ZNF518A: variants seen among roughly 807,000 people sequenced by gnomAD.
The protein encoded by ZNF518A is zinc finger protein 518.
Under a neutral mutation model 102.7 loss-of-function variants are expected in ZNF518A, and 47 were observed. The observed-to-expected ratio is 0.46, with a 90% CI of 0.36 to 0.58. ZNF518A has a LOEUF of 0.58. Among genes scored for constraint, ZNF518A ranks in the 20% least tolerant of loss-of-function variants. The pLI is 0.00. For synonymous variants in ZNF518A, 652 were observed against 594.6 expected (o/e 1.10, Z -1.40); for missense variants, 1,793 against 1,699.8 (o/e 1.05, Z -0.96).
At chr10:96,143,555 C>T (rs1261778092) in intron 3 of ZNF518A, among the ~76,000 whole-genome samples, 5 of 152,178 alleles carry the variant, frequency 3.3e-5, no homozygotes, top group African/African-American at 4.8e-5. Context: ...ACACAGTCAT[C>T]GTTGATTTGT....
At chr10:96,190,574 G>A (rs1481895821) in intron 1 of ZNF518A, among the ~76,000 whole-genome samples, 1 of 152,138 alleles carries the variant, frequency 6.6e-6, no homozygotes, top group African/African-American at 2.4e-5. Context: ...GAAAGTTTAT[G>A]ACATTTAAAT....
At chr10:96,192,169 C>A in intron 1 of ZNF518A, 1 of 1,580,306 alleles carries the variant, frequency 6.3e-7, no homozygotes, top group Non-Finnish European at 8.7e-7. Flanking sequence ...CATCTTCTCT[C>A]ATTCTCAAGT....
Position 96,157,602 on chromosome 10 carries a change from T to C in ZNF518A, c.1280T>C (p.Val427Ala). Reference sequence around the variant, plus strand: ...GTACTAGGACCTACACTGAAAAATGTAATGATGAAAAATAATAAACTAGCA... The same window carrying C: ...GTACTAGGACCTACACTGAAAAATGCAATGATGAAAAATAATAAACTAGCA... ...TAVLGPTLKNVMMKNNKLAVS... is the reference protein window; with the variant it reads ...TAVLGPTLKNAMMKNNKLAVS... Residue 427 changes from valine (V) to alanine (A), a missense_variant, in exon 6 of 6, where the codon GTA becomes GCA. By Grantham distance (64) the Val-to-Ala change is moderately conservative. Coordinates refer to ENST00000316045, the MANE Select transcript of ZNF518A (RefSeq NM_001330736.2). 1.2e-6 allele frequency: 2 copies of C among 1,613,856 alleles called. No homozygotes were observed. The highest frequency in any genetic ancestry group is 1.7e-6 in the Non-Finnish European group (2 of 1,179,790).
chr10:96,178,383 A>G (rs1397717472), intron 1 of ZNF518A, among the ~76,000 whole-genome samples: 1 of 152,088 alleles, frequency 6.6e-6, no homozygotes, highest in Admixed American at 6.5e-5. Context: ...TCACAGGGGA[A>G]ATTTAGAAAT....
chr10:96,153,974 G>A (rs1365098890), intron 3 of ZNF518A, among the ~76,000 whole-genome samples: 1 of 152,116 alleles, frequency 6.6e-6, no homozygotes, highest in Non-Finnish European at 1.5e-5. Flanking sequence ...TGACTCCTGA[G>A]TCACATATTA....
At chr10:96,132,483 T>G (rs1405125260) in intron 1 of ZNF518A, 103 bp from the exon 2 acceptor site, 1 of 151,458 alleles carries the variant, frequency 6.6e-6, no homozygotes, top group African/African-American at 2.4e-5. Flanking sequence ...TCTTAGTTTT[T>G]TTTTTTTTTT....
chr10:96,176,638 C>A (rs1054749919), intron 1 of ZNF518A, among the ~76,000 whole-genome samples: 2 of 152,220 alleles, frequency 1.3e-5, no homozygotes, highest in African/African-American at 2.4e-5. Context: ...TGGCTCATGC[C>A]TGTAATCCCA....
rs1318798248 is a variant in ZNF518A at position 96,162,907 on chromosome 10, C to T, written c.*2133C>T. Reference sequence around the variant, plus strand: ...ATGATATATTGTTTAAGAAAGGTAACATATACCATAATTTTACTATGGTTA... The same window carrying T: ...ATGATATATTGTTTAAGAAAGGTAATATATACCATAATTTTACTATGGTTA... On this transcript the variant is annotated 3_prime_UTR_variant, in exon 6 of 6. Coordinates refer to ENST00000316045, the MANE Select transcript of ZNF518A (RefSeq NM_001330736.2). The T allele has an allele frequency of 6.0e-6, 1 of 166,790 alleles. No individual in the cohort carries two copies. The highest frequency in any genetic ancestry group is 1.5e-5 in the Non-Finnish European group (1 of 68,010). The allele number at this position is 166,790 out of a possible 1,614,324, so 10.3% of individuals were successfully genotyped here. A position where few individuals can be genotyped will look rare whatever the true frequency, so the allele number is the denominator to read the frequency against.
Position 96,157,130 on chromosome 10 carries a change from G to A in ZNF518A, c.808G>A (p.Gly270Ser). 6.2e-7 allele frequency: 1 copy of A among 1,613,710 alleles called. No homozygotes were observed. The highest frequency in any genetic ancestry group is 8.5e-7 in the Non-Finnish European group (1 of 1,179,760). Residue 270 changes from glycine to serine, a missense_variant, in exon 6 of 6, where the codon GGT (glycine) becomes AGT (serine). Gly to Ser is a moderately conservative substitution (Grantham distance 56, BLOSUM62 0). Coordinates refer to ENST00000316045, the MANE Select transcript of ZNF518A (RefSeq NM_001330736.2). ...FPFTCQYCSYGATRREHLVRH... is the reference protein window; with the variant it reads ...FPFTCQYCSYSATRREHLVRH... ...CTTCACTTGTCAATATTGTAGCTAT[G>A]GTGCCACCAGGAGAGAACACCTTGT...
downstream of ZNF518A, among the ~76,000 whole-genome samples, chr10:96,165,507 C>A (rs1554890159): frequency 6.7e-6 from 1 of 150,304 alleles, no homozygotes; most frequent in African/African-American, 2.4e-5. Context: ...CAAACCAAAC[C>A]TGTAAGATAT....
At chr10:96,155,092 A>T (rs2082635205) in intron 3 of ZNF518A, among the ~76,000 whole-genome samples, 1 of 152,142 alleles carries the variant, frequency 6.6e-6, no homozygotes, top group South Asian at 2.1e-4. Flanking sequence ...AAAAACATGT[A>T]ATTTTTCTAA....
At chr10:96,190,428 C>A (rs1441418884) in intron 1 of ZNF518A, among the ~76,000 whole-genome samples, 4 of 152,334 alleles carry the variant, frequency 2.6e-5, no homozygotes, top group African/African-American at 9.6e-5. Flanking sequence ...CTGACCTCAT[C>A]TTACCTTGAC....
intron 1 of ZNF518A, among the ~76,000 whole-genome samples, chr10:96,180,453 G>A (rs1238094440): frequency 2.6e-5 from 4 of 151,730 alleles, no homozygotes; most frequent in East Asian, 1.9e-4. Context: ...CCATTAACTC[G>A]TAATTTACAT....
rs927049473 is a variant in ZNF518A at position 96,150,062 on chromosome 10, C to T, written c.-301-5264C>T. On this transcript the variant is annotated intron_variant, in intron 3 of 5. Coordinates refer to ENST00000316045, the MANE Select transcript of ZNF518A (RefSeq NM_001330736.2). The stretch of plus-strand genomic sequence containing the variant: ...TGTCTGGGCCGGGCGTGGTGGCTCA[C>T]GGCTGTAATCTGAGCACTTTGGGAG... 3.8e-4 allele frequency among the ~76,000 whole-genome samples: 57 copies of T among 151,538 alleles called. 1 individual carries two copies. The highest frequency in any genetic ancestry group is 1.3e-3 in the African/African-American group (53 of 41,262).
At chr10:96,145,766 C>A (rs1000653444) in intron 3 of ZNF518A, among the ~76,000 whole-genome samples, 2 of 152,132 alleles carry the variant, frequency 1.3e-5, no homozygotes, top group Non-Finnish European at 2.9e-5. Context: ...GTTGGTTTAC[C>A]ACAGAAATCA....
intron 1 of ZNF518A, among the ~76,000 whole-genome samples, chr10:96,183,292 T>G (rs2083251052): frequency 6.6e-6 from 1 of 152,150 alleles, no homozygotes; most frequent in Non-Finnish European, 1.5e-5. Context: ...TCTTTGAAGG[T>G]TTTTTTGTGT....
chr10:96,180,238 T>G (rs2083231912), intron 1 of ZNF518A, among the ~76,000 whole-genome samples: 1 of 144,898 alleles, frequency 6.9e-6, no homozygotes, highest in Non-Finnish European at 1.5e-5. Context: ...TTGCTAAGCC[T>G]GGTCTCAAAT....
chr10:96,165,463 CAA>C (rs1554890034), downstream of ZNF518A, among the ~76,000 whole-genome samples: 45 of 41,856 alleles, frequency 1.1e-3, no homozygotes, highest in Admixed American at 3.5e-3. Context: ...CAAAAAACAA[CAA>C]CAACCAAAAA....
intron 1 of ZNF518A, chr10:96,201,142 T>C (rs1354649682): frequency 8.0e-7 from 1 of 1,246,292 alleles, no homozygotes; most frequent in Non-Finnish European, 1.2e-6. Flanking sequence ...CTGTACTAGG[T>C]GCTGCCAGGG....
Sources: gnomAD v4.1 joint callset for allele counts (sites outside exome capture counted in the v4.1 genomes callset) on GRCh38, gnomAD v4.1.1 for gene constraint, MANE v1.5 for transcripts, NCBI Gene and HGNC (gene_info 2026-07-23, HGNC 2026-07-21) for gene names.